Variants in FBN1 observed in about 807,000 individuals in gnomAD.
The protein encoded by FBN1 is fibrillin-1.
Under a neutral mutation model 365.1 loss-of-function variants are expected in FBN1, and 29 were observed. The observed-to-expected ratio is 0.08, with a 90% confidence interval of 0.06 to 0.11. The LOEUF (loss-of-function observed/expected upper bound fraction) is 0.11. FBN1 is among the 10% of genes least tolerant of loss of function. FBN1 has a pLI of 1.00. For missense variants in FBN1, 2,476 were observed against 3,703.2 expected (o/e 0.67, Z 8.60); for synonymous variants, 1,210 against 1,270.5 (o/e 0.95, Z 1.01).
At chr15:48,610,910 G>T in intron 3 of FBN1, 84 bp from the exon 4 acceptor site, 1 of 1,121,684 alleles carries the variant, frequency 8.9e-7, no homozygotes, top group South Asian at 1.3e-5. Flanking sequence ...GAGGAAACCT[G>T]GGTTCTCAGG....
intron 18 of FBN1, 62 bp from the exon 19 acceptor site, chr15:48,497,453 A>G: frequency 6.7e-7 from 1 of 1,492,894 alleles, no homozygotes; most frequent in South Asian, 1.1e-5. Context: ...ATGAATTGTT[A>G]AAAATATAAC....
intron 24 of FBN1, among the ~76,000 whole-genome samples, 173 bp from the exon 25 acceptor site, chr15:48,490,251 G>A (rs986862019): frequency 5.3e-5 from 8 of 152,040 alleles, no homozygotes; most frequent in African/African-American, 1.9e-4. Flanking sequence ...AAGTATCCTT[G>A]CCTAATAAAG....
chr15:48,468,853 G>A (rs1161729219), intron 36 of FBN1, among the ~76,000 whole-genome samples: 1 of 150,584 alleles, frequency 6.6e-6, no homozygotes, highest in East Asian at 1.9e-4. Flanking sequence ...CAGATCACGA[G>A]GTCAGGAGAT....
chr15:48,437,307 G>C lies in FBN1; in HGVS notation c.6379+15C>G. On this transcript the variant is annotated intron_variant, in intron 52 of 65. Coordinates refer to ENST00000316623, the MANE Select transcript of FBN1 (RefSeq NM_000138.5). ...AATACTGAGAAATGCTGAGAATCCA[G>C]CACAGGCAACTGACCAACTGCTGAA... The C allele has an allele frequency of 6.2e-7, 1 of 1,607,154 alleles. No individual in the cohort carries two copies. The highest frequency in any genetic ancestry group is 1.3e-5 in the African/African-American group (1 of 74,888).
At chr15:48,499,191 A>AC (rs1307641331) in intron 17 of FBN1, among the ~76,000 whole-genome samples, 153 bp from the exon 18 acceptor site, 1 of 152,338 alleles carries the variant, frequency 6.6e-6, no homozygotes, top group East Asian at 1.9e-4. Context: ...AGTCACCTTT[A>AC]CACCAGGCTC....
intron 7 of FBN1, among the ~76,000 whole-genome samples, chr15:48,534,625 C>A (rs1378820591): frequency 6.6e-6 from 1 of 152,176 alleles, no homozygotes; most frequent in East Asian, 1.9e-4. Context: ...TACATTTCTA[C>A]AATGAAACTA....
chr15:48,636,970 G>A (rs1404908558), intron 2 of FBN1, among the ~76,000 whole-genome samples: 1 of 152,224 alleles, frequency 6.6e-6, no homozygotes, highest in Non-Finnish European at 1.5e-5. Flanking sequence ...AGAGGGCCTA[G>A]GCCTGATCTC....
intron 55 of FBN1, 42 bp downstream of exon 55, chr15:48,432,824 T>G: frequency 6.2e-7 from 1 of 1,612,282 alleles, no homozygotes; most frequent in Non-Finnish European, 8.5e-7. Flanking sequence ...CCCTCACAGA[T>G]AAAGCTTCCT....
chr15:48,408,664 A>T lies in FBN1; in HGVS notation c.*2326T>A, dbSNP rs2042837163. 6.5e-6 allele frequency: 1 copy of T among 152,684 alleles called. No individual in the cohort carries two copies. The allele number at this position is 152,684 out of a possible 1,614,324, so 9.5% of individuals were successfully genotyped here. On this transcript the variant is annotated 3_prime_UTR_variant, in exon 66 of 66. Coordinates refer to ENST00000316623, the MANE Select transcript of FBN1 (RefSeq NM_000138.5). Reference sequence around the variant, plus strand: ...AGGTTTAAATCTCAGGATTAAAAAGAGTTCCAACAAGAGGAATATTTACAA... The same window carrying T: ...AGGTTTAAATCTCAGGATTAAAAAGTGTTCCAACAAGAGGAATATTTACAA...
At chr15:48,564,259 T>C (rs1337367185) in intron 6 of FBN1, among the ~76,000 whole-genome samples, 1 of 152,192 alleles carries the variant, frequency 6.6e-6, no homozygotes, top group African/African-American at 2.4e-5. Context: ...CCCTGACTAT[T>C]CAACAGTCAC....
At position 48,481,604 on chromosome 15, in the gene FBN1, A is replaced by G. The variant is rs775056599; in HGVS notation, c.3964+51T>C. 5 of 1,580,842 alleles carry G rather than the reference A, an allele frequency of 3.2e-6. No individual in the cohort carries two copies. In the East Asian group the frequency reaches 6.7e-5, roughly 21 times the overall value. ...ACATGTATCAATCTATAATTATGAT[A>G]CCAATCTCTTAACTACTTAATATTT... On this transcript the variant is annotated intron_variant, in intron 32 of 65. Coordinates refer to ENST00000316623, the MANE Select transcript of FBN1 (RefSeq NM_000138.5).
At chr15:48,450,756 T>A (rs948069394) in intron 45 of FBN1, among the ~76,000 whole-genome samples, 3 of 152,152 alleles carry the variant, frequency 2.0e-5, no homozygotes, top group Non-Finnish European at 4.4e-5. Flanking sequence ...TGATTTGGGA[T>A]TTGAAATAAT....
chr15:48,546,493 G>C (rs2044094569), intron 6 of FBN1, among the ~76,000 whole-genome samples: 1 of 152,148 alleles, frequency 6.6e-6, no homozygotes, highest in Admixed American at 6.5e-5. Flanking sequence ...CAGATAGCCT[G>C]GCTTCTCTAG....
At chr15:48,624,425 C>T (rs1340135545) in intron 2 of FBN1, among the ~76,000 whole-genome samples, 2 of 152,238 alleles carry the variant, frequency 1.3e-5, no homozygotes, top group African/African-American at 4.8e-5. Flanking sequence ...GCATCTGTAT[C>T]TGGCCTACTG....
At chr15:48,582,870 T>C (rs1345520761) in intron 6 of FBN1, among the ~76,000 whole-genome samples, 1 of 152,150 alleles carries the variant, frequency 6.6e-6, no homozygotes, top group South Asian at 2.1e-4. Context: ...CCCTCTGACT[T>C]TGAAGGGCAT....
chr15:48,499,699 T>G (rs973224682), intron 17 of FBN1, among the ~76,000 whole-genome samples: 2 of 148,206 alleles, frequency 1.3e-5, no homozygotes, highest in Admixed American at 6.6e-5. Context: ...CAAATTTCTA[T>G]TTCTTAAAAT....
chr15:48,581,807 T>C (rs1353767384), intron 6 of FBN1, among the ~76,000 whole-genome samples: 1 of 152,060 alleles, frequency 6.6e-6, no homozygotes, highest in African/African-American at 2.4e-5. Context: ...CAGTGAGCTC[T>C]AAAAGCAAGC....
At chr15:48,470,577 A>G in intron 36 of FBN1, 57 bp downstream of exon 36, 6 of 1,611,986 alleles carry the variant, frequency 3.7e-6, no homozygotes, top group Non-Finnish European at 5.1e-6. Context: ...GGAGGCTCCA[A>G]TAGCTGGGTC....
chr15:48,636,933 A>G (rs531876579), intron 2 of FBN1, among the ~76,000 whole-genome samples: 26 of 152,266 alleles, frequency 1.7e-4, no homozygotes, highest in Non-Finnish European at 3.1e-4. Flanking sequence ...AACACTCACA[A>G]ATGAAAATAC....
Sources: gnomAD v4.1 joint callset for allele counts (sites outside exome capture counted in the v4.1 genomes callset) on GRCh38, gnomAD v4.1.1 for gene constraint, MANE v1.5 for transcripts, NCBI Gene and HGNC (gene_info 2026-07-23, HGNC 2026-07-21) for gene names.